Variants in TPTE observed in about 807,000 individuals in gnomAD.
TPTE encodes transmembrane phosphatase with tensin homology.
Under a neutral mutation model 84.1 loss-of-function variants are expected in TPTE, and 59 were observed. The ratio of observed to expected loss-of-function variants is 0.70; its 90% confidence interval spans 0.57 to 0.87. TPTE has a LOEUF of 0.87. Ranked by LOEUF, TPTE falls within the 40% of genes least tolerant of loss-of-function variation. The probability of loss-of-function intolerance (pLI) is 0.00; values close to 1 mark genes in which losing one functional copy is unlikely to be tolerated. For synonymous variants in TPTE, 130 were observed against 223.5 expected, an observed-to-expected ratio of 0.58 and a Z score of 3.73; for missense variants, 382 against 659.6, an observed-to-expected ratio of 0.58 and a Z score of 4.61.
At chr21:10,579,991 G>A (rs557122391) in intron 17 of TPTE, among the ~76,000 whole-genome samples, 12 of 152,400 alleles carry the variant, frequency 7.9e-5, no homozygotes, top group African/African-American at 2.6e-4. Context: ...GTACAAGGGG[G>A]TTCCCTTTTC....
At chr21:10,534,995 G>T (rs1022323790) in intron 3 of TPTE, among the ~76,000 whole-genome samples, 18 of 152,298 alleles carry the variant, frequency 1.2e-4, no homozygotes, top group African/African-American at 4.3e-4. Flanking sequence ...TAGTCCTAGG[G>T]ACTAGAAATC....
chr21:10,560,987 A>T, intron 9 of TPTE, 43 bp from the exon 10 acceptor site: 1 of 1,584,846 alleles, frequency 6.3e-7, no homozygotes, highest in Non-Finnish European at 8.6e-7. Context: ...ATGCCCCTTT[A>T]TCTTTGCATT....
intron 8 of TPTE, among the ~76,000 whole-genome samples, chr21:10,553,106 T>G (rs1309283813): frequency 1.3e-5 from 2 of 152,310 alleles, no homozygotes; most frequent in East Asian, 1.9e-4. Flanking sequence ...CAAATAGTAT[T>G]GATAGCAAAA....
intron 3 of TPTE, among the ~76,000 whole-genome samples, chr21:10,531,944 A>T (rs2074185473): frequency 6.6e-6 from 1 of 152,306 alleles, no homozygotes; most frequent in African/African-American, 2.4e-5. Context: ...TTGTTTATGT[A>T]ATCATTGTCA....
chr21:10,580,338 T>C (rs1344160097), intron 17 of TPTE, among the ~76,000 whole-genome samples: 14 of 152,294 alleles, frequency 9.2e-5, no homozygotes, highest in Non-Finnish European at 1.8e-4. Flanking sequence ...TCCTTTGCTG[T>C]GCAAAAGCGT....
chr21:10,568,439 A>C (rs1169989934), intron 11 of TPTE, among the ~76,000 whole-genome samples: 2 of 152,308 alleles, frequency 1.3e-5, no homozygotes, highest in African/African-American at 4.8e-5. Context: ...GGATTGGGAA[A>C]CTAAAGAGTA....
intron 21 of TPTE, among the ~76,000 whole-genome samples, chr21:10,600,493 C>A (rs868862584): frequency 1.8e-4 from 27 of 152,318 alleles, no homozygotes; most frequent in African/African-American, 5.8e-4. Flanking sequence ...TCCATTTGGA[C>A]TAGATTCTGT....
chr21:10,567,082 C>T (rs1341880916), intron 10 of TPTE, among the ~76,000 whole-genome samples: 1 of 149,588 alleles, frequency 6.7e-6, no homozygotes, highest in Admixed American at 6.6e-5. Context: ...ATAAACATCA[C>T]ATGTTCTCAC....
intron 14 of TPTE, among the ~76,000 whole-genome samples, chr21:10,574,339 G>T (rs1600932467): frequency 6.6e-6 from 1 of 152,312 alleles, no homozygotes; most frequent in African/African-American, 2.4e-5. Context: ...GGACAGGGCT[G>T]CAAGTTCAGC....
At chr21:10,553,708 G>C (rs866460632) in intron 8 of TPTE, among the ~76,000 whole-genome samples, 6 of 152,310 alleles carry the variant, frequency 3.9e-5, no homozygotes, top group Non-Finnish European at 7.3e-5. Flanking sequence ...ATAACAGGGG[G>C]ATGATATTGG....
intron 14 of TPTE, among the ~76,000 whole-genome samples, chr21:10,576,810 T>C (rs1275711359): frequency 6.6e-6 from 1 of 151,176 alleles, no homozygotes; most frequent in Non-Finnish European, 1.5e-5. Flanking sequence ...TACTATTTGT[T>C]TTTCATTTTA....
At chr21:10,585,252 AAAAAG>A (rs1270815483) in intron 17 of TPTE, among the ~76,000 whole-genome samples, 991 of 148,174 alleles carry the variant, frequency 6.7e-3, no homozygotes, top group East Asian at 0.015. Flanking sequence ...AAAAAAAAAA[AAAAAG>A]AAAGAAAGAA....
At chr21:10,588,117 G>T (rs6582808) in intron 17 of TPTE, among the ~76,000 whole-genome samples, 1 of 151,900 alleles carries the variant, frequency 6.6e-6, no homozygotes, top group Admixed American at 6.6e-5. Context: ...CCAAAGTGCT[G>T]GGATTACAGA....
Position 10,542,547 on chromosome 21 carries a change from CCATCCATCCATCCATT to C in TPTE, c.119+115_119+130del, listed in dbSNP as rs1378134172. 6.8e-4 allele frequency: 936 copies of C among 1,373,062 alleles called. No homozygotes were observed. The African/African-American group carries it at 9.4e-3, about 14-fold the overall frequency. The allele number at this position is 1,373,062 out of a possible 1,614,324, so 85.1% of individuals were successfully genotyped here. A position where few individuals can be genotyped will look rare whatever the true frequency, so the allele number is the denominator to read the frequency against. On this transcript the variant is annotated intron_variant, in intron 6 of 23. Transcript: ENST00000618007. ...AAGTATACCCCATCCATCCATCCAT[CCATCCATCCATCCATT>C]CATCCATCCATCCATCCATCCATCC... is the stretch of plus-strand genomic sequence containing the variant.
At chr21:10,560,532 A>G (rs974675313) in intron 9 of TPTE, among the ~76,000 whole-genome samples, 2 of 152,306 alleles carry the variant, frequency 1.3e-5, no homozygotes, top group African/African-American at 4.8e-5. Flanking sequence ...ACCCATAAAT[A>G]TGAAATCATG....
At chr21:10,523,640 T>C (rs1354553746) in intron 1 of TPTE, among the ~76,000 whole-genome samples, 1 of 152,306 alleles carries the variant, frequency 6.6e-6, no homozygotes. Context: ...TCATTTTTTA[T>C]GGCTGCATAG....
chr21:10,579,759 A>C (rs552354570), intron 17 of TPTE, among the ~76,000 whole-genome samples: 1 of 152,430 alleles, frequency 6.6e-6, no homozygotes, highest in Non-Finnish European at 1.5e-5. Context: ...TATATACCAT[A>C]TATTATTTAT....
intron 7 of TPTE, among the ~76,000 whole-genome samples, chr21:10,550,453 A>G (rs541137138): frequency 3.5e-4 from 53 of 151,666 alleles, no homozygotes; most frequent in Non-Finnish European, 6.2e-4. Context: ...CAGACAAAAC[A>G]GAGTTCAAGT....
At chr21:10,568,561 T>C (rs1269291370) in intron 11 of TPTE, among the ~76,000 whole-genome samples, 1 of 152,306 alleles carries the variant, frequency 6.6e-6, no homozygotes, top group Non-Finnish European at 1.5e-5. Flanking sequence ...GTCAAATAGC[T>C]GATTTCTTTT....
Sources: allele counts gnomAD v4.1 joint callset (sites outside exome capture counted in the v4.1 genomes callset), GRCh38; gene constraint gnomAD v4.1.1; transcripts MANE v1.5; gene names NCBI Gene and HGNC (gene_info 2026-07-23, HGNC 2026-07-21).